Variants in PLXDC1 observed in about 807,000 individuals in gnomAD.
PLXDC1 encodes the protein plexin domain containing 1.
Under a neutral mutation model 61.3 loss-of-function variants are expected in PLXDC1, and 39 were observed. The ratio of observed to expected loss-of-function variants is 0.64; its 90% CI spans 0.49 to 0.83. The LOEUF is 0.83. PLXDC1 is among the 40% of genes least tolerant of loss of function. The pLI is 0.00. For missense variants in PLXDC1, 596 were observed against 666.5 expected (o/e 0.89, Z 1.17); for synonymous variants, 212 against 254.5 (o/e 0.83, Z 1.59).
In PLXDC1 at chr17:39,151,255, C is replaced by A. The variant is rs1252046299; in HGVS notation, c.76+107G>T. ...CTCTCCTGGCCTCCTGCGGACAATG[C>A]CCCCCTCGCGGACATCGCCAGGCCG... On this transcript the variant is annotated intron_variant, in intron 1 of 13. Coordinates refer to ENST00000315392, the MANE Select transcript of PLXDC1 (RefSeq NM_020405.5). This position sits in a 1 kb window ranked among gnomAD's most constrained non-coding sequence, Gnocchi z 5.2. 2.4e-6 allele frequency: 2 copies of A among 825,272 alleles called. No individual in the cohort carries two copies. Among genetic ancestry groups the A allele is most frequent in the Non-Finnish European group, 3.3e-6 (2 of 614,906 alleles). 51.1% of individuals were successfully genotyped at this position (825,272 alleles called of 1,614,324 possible). A position where few individuals can be genotyped will look rare whatever the true frequency, so the allele number is the denominator to read the frequency against.
In PLXDC1 at chr17:39,128,097, G is replaced by GTATATATATATATATA. The variant is rs1419922925; in HGVS notation, c.255+11541_255+11556dup. ...TCTCTCTCTCTCTCTCTCTCTATGT[G>GTATATATATATATATA]TATATATATATATATATGTATATAT... On this transcript the variant is annotated intron_variant, in intron 2 of 13. Transcript: ENST00000315392. 4.0e-3 allele frequency among the ~76,000 whole-genome samples: 271 copies of GTATATATATATATATA among 67,488 alleles called. 27 individuals carry two copies. Among genetic ancestry groups the GTATATATATATATATA allele is most frequent in the South Asian group, 0.025 (52 of 2,074 alleles). 44.3% of individuals were successfully genotyped at this position (67,488 alleles called of 152,430 possible).
intron 1 of PLXDC1, among the ~76,000 whole-genome samples, chr17:39,144,540 GA>G (rs1259107007): frequency 1.3e-5 from 2 of 152,232 alleles, no homozygotes; most frequent in Non-Finnish European, 2.9e-5. Flanking sequence ...CACGACTCAT[GA>G]AAGAAGCCAA....
intron 11 of PLXDC1, among the ~76,000 whole-genome samples, chr17:39,076,756 G>A (rs1164128653): frequency 6.6e-6 from 1 of 152,068 alleles, no homozygotes; most frequent in East Asian, 1.9e-4. Flanking sequence ...GTTGTTCTGA[G>A]ACAGGGTCTT....
intron 2 of PLXDC1, among the ~76,000 whole-genome samples, chr17:39,112,460 T>TC (rs1341914968): frequency 1.8e-4 from 26 of 145,890 alleles, no homozygotes; most frequent in Admixed American, 6.8e-4. Flanking sequence ...TTTCTTTCTT[T>TC]TTTTTTTTTT....
intron 2 of PLXDC1, among the ~76,000 whole-genome samples, chr17:39,119,370 C>G (rs1911087512): frequency 6.6e-6 from 1 of 152,170 alleles, no homozygotes; most frequent in South Asian, 2.1e-4. Flanking sequence ...GTGCAAATTA[C>G]CCTGATCTGA....
chr17:39,130,491 T>TG lies in PLXDC1; in HGVS notation c.255+9162dup, dbSNP rs1836390691. On this transcript the variant is annotated intron_variant, in intron 2 of 13. Transcript: ENST00000315392. ...AAACAGAAAAGGTTTTGGAACTGGA[T>TG]GGGGGGTTGGTTGCACAACATTGTG... Among the ~76,000 whole-genome samples, 7 of 152,234 alleles carry TG rather than the reference T, an allele frequency of 4.6e-5. No individual in the cohort carries two copies. In the South Asian group the frequency reaches 1.5e-3, roughly 32 times the overall value.
intron 2 of PLXDC1, among the ~76,000 whole-genome samples, chr17:39,134,186 G>A (rs1348046806): frequency 2.0e-5 from 3 of 151,424 alleles, no homozygotes; most frequent in Non-Finnish European, 2.9e-5. Flanking sequence ...CCTGGGAGGC[G>A]GAGCTTGCGG....
chr17:39,083,475 A>T lies in PLXDC1; in HGVS notation c.973T>A (p.Cys325Ser). 1 of 1,613,834 alleles carries T rather than the reference A, an allele frequency of 6.2e-7. No homozygotes were observed. Among genetic ancestry groups the T allele is most frequent in the Non-Finnish European group, 8.5e-7 (1 of 1,179,830 alleles). The change falls in exon 9 of 14, where the codon TGC (cysteine) becomes AGC (serine). Residue 325 changes from cysteine (C) to serine (S), a missense_variant. Physicochemically the swap from Cys to Ser is moderately radical, Grantham distance 112. Transcript: ENST00000315392. ...GGCACAAACCTCTGGAGGACATGGC[A>T]CCAGCTGCAGTTGAAGGTCAGGTCT... ...SSDLTFNCSW[C>S]HVLQRCSSGF...
chr17:39,116,840 C>A (rs547002135), intron 2 of PLXDC1, among the ~76,000 whole-genome samples: 1 of 152,336 alleles, frequency 6.6e-6, no homozygotes, highest in East Asian at 1.9e-4. Context: ...GCCACTGAGG[C>A]AGCATGCTTC....
Position 39,063,480 on chromosome 17 carries a change from G to C in PLXDC1, c.*4360C>G, listed in dbSNP as rs1908783686. ...GGAAAGCACCTCTGATGAGCAGATA[G>C]CTGGAGGCTGTTCCCACAGTCATGT... On this transcript the variant is annotated 3_prime_UTR_variant, in exon 14 of 14. Transcript: ENST00000315392. The C allele has an allele frequency of 1.4e-6, 1 of 702,914 alleles. No individual in the cohort carries two copies. The highest frequency in any genetic ancestry group is 1.7e-5 in the African/African-American group (1 of 57,262). The allele number at this position is 702,914 out of a possible 1,614,324, so 43.5% of individuals were successfully genotyped here. A position where few individuals can be genotyped will look rare whatever the true frequency, so the allele number is the denominator to read the frequency against.
At position 39,151,474 on chromosome 17, in the gene PLXDC1, C is replaced by A; in HGVS notation, c.-37G>T. 1 of 1,240,434 alleles carries A rather than the reference C, an allele frequency of 8.1e-7. No homozygotes were observed. The highest frequency in any genetic ancestry group is 1.0e-6 in the Non-Finnish European group (1 of 991,594). 76.8% of individuals were successfully genotyped at this position (1,240,434 alleles called of 1,614,324 possible). A position where few individuals can be genotyped will look rare whatever the true frequency, so the allele number is the denominator to read the frequency against. ...GGACCTGCCCCCGGCCTGCTTGCTG[C>A]CCCGGTCCTGACGAGGGAGGGGGCC... On this transcript the variant is annotated 5_prime_UTR_variant, in exon 1 of 14. Transcript: ENST00000315392. This position sits in a 1 kb window ranked among gnomAD's most constrained non-coding sequence, Gnocchi z 5.2.
chr17:39,134,870 C>T (rs1911691339), intron 2 of PLXDC1, among the ~76,000 whole-genome samples: 2 of 151,934 alleles, frequency 1.3e-5, no homozygotes, highest in South Asian at 4.2e-4. Context: ...AAATAGCCCG[C>T]AGGACCCCCA....
rs1294119063 is a variant in PLXDC1 at position 39,151,598 on chromosome 17, G to A, written c.-161C>T. The A allele has an allele frequency of 2.2e-5, 25 of 1,148,254 alleles. No homozygotes were observed. The highest frequency in any genetic ancestry group is 2.4e-5 in the Non-Finnish European group (22 of 933,958). The allele number at this position is 1,148,254 out of a possible 1,614,324, so 71.1% of individuals were successfully genotyped here. ...GGCCGGGCGAGCCGGCAGGAGCGGC[G>A]AGAGCGCGAGCGGAGCTGGAGGCTG... On this transcript the variant is annotated 5_prime_UTR_variant, in exon 1 of 14. Coordinates refer to ENST00000315392, the MANE Select transcript of PLXDC1 (RefSeq NM_020405.5). This position sits in a 1 kb window ranked among gnomAD's most constrained non-coding sequence, Gnocchi z 5.2.
chr17:39,127,862 G>A (rs1475812164), intron 2 of PLXDC1, among the ~76,000 whole-genome samples: 2 of 146,744 alleles, frequency 1.4e-5, no homozygotes, highest in Admixed American at 6.9e-5. Flanking sequence ...GGAGGCTGAG[G>A]CAGGAGAATG....
intron 2 of PLXDC1, among the ~76,000 whole-genome samples, chr17:39,128,117 A>ATATATATATATATATATGTCTG: frequency 1.0e-5 from 1 of 96,416 alleles, no homozygotes; most frequent in Admixed American, 9.9e-5. Context: ...ATATATATGT[A>ATATATATATATATATATGTCTG]TATATATATG....
chr17:39,095,622 T>C lies in PLXDC1; in HGVS notation c.812-7920A>G, dbSNP rs111504435. ...CTGCTGCCCAAACAAGAAATGTTTTTGTTTTTTGTCTTTTTTTTTTGGCGG... is the reference window on the plus strand; with the variant it reads ...CTGCTGCCCAAACAAGAAATGTTTTCGTTTTTTGTCTTTTTTTTTTGGCGG... On this transcript the variant is annotated intron_variant, in intron 7 of 13. Coordinates refer to ENST00000315392, the MANE Select transcript of PLXDC1 (RefSeq NM_020405.5). Among the ~76,000 whole-genome samples, 492 of 152,162 alleles carry C rather than the reference T, an allele frequency of 3.2e-3. 2 individuals carry two copies. Among genetic ancestry groups the C allele is most frequent in the Admixed American group, 7.3e-3 (111 of 15,270 alleles).
intron 2 of PLXDC1, among the ~76,000 whole-genome samples, chr17:39,131,461 T>C (rs1173567406): frequency 6.6e-6 from 1 of 152,068 alleles, no homozygotes; most frequent in Non-Finnish European, 1.5e-5. Flanking sequence ...CAAGCGATTC[T>C]CCTGCCTCAG....
chr17:39,100,985 C>T (rs1449344442), intron 7 of PLXDC1, among the ~76,000 whole-genome samples: 2 of 152,218 alleles, frequency 1.3e-5, no homozygotes, highest in Non-Finnish European at 2.9e-5. Context: ...GGTGCACTGA[C>T]TCTCAGCCCA....
At chr17:39,142,114 GCTC>G (rs1247495510) in intron 1 of PLXDC1, among the ~76,000 whole-genome samples, 5 of 152,092 alleles carry the variant, frequency 3.3e-5, no homozygotes, top group African/African-American at 1.2e-4. Flanking sequence ...GTAGCACCAC[GCTC>G]CTCCCCATCC....
Sources: gnomAD v4.1 joint callset for allele counts (sites outside exome capture counted in the v4.1 genomes callset) on GRCh38, gnomAD v4.1.1 for gene constraint, Gnocchi (gnomAD v3.1) non-coding constraint, MANE v1.5 for transcripts, NCBI Gene and HGNC (gene_info 2026-07-23, HGNC 2026-07-21) for gene names.